The following RASGEF1C variants were observed in gnomAD, a reference collection of about 807,000 sequenced individuals.
RASGEF1C encodes the protein ras-GEF domain-containing family member 1C.
RASGEF1C carries 27 observed loss-of-function variants against 58.1 expected under a neutral mutation model. The observed-to-expected ratio is 0.46, with a 90% confidence interval of 0.34 to 0.64. The LOEUF is 0.64. RASGEF1C is among the 30% of genes least tolerant of loss of function. The pLI, the probability that RASGEF1C is intolerant of heterozygous loss-of-function variation, is 0.01. For synonymous variants in RASGEF1C, 243 were observed against 246.3 expected, an observed-to-expected ratio of 0.99 and a Z score of 0.13; for missense variants, 502 against 605.1, an observed-to-expected ratio of 0.83 and a Z score of 1.79.
intron 4 of RASGEF1C, among the ~76,000 whole-genome samples, chr5:180,129,697 A>C (rs953468176): frequency 6.6e-6 from 1 of 152,168 alleles, no homozygotes; most frequent in Non-Finnish European, 1.5e-5. Context: ...TGGGAGCAGC[A>C]GCCTGTCCAG....
intron 1 of RASGEF1C, among the ~76,000 whole-genome samples, chr5:180,173,014 T>C (rs966899953): frequency 2.0e-5 from 3 of 152,192 alleles, no homozygotes; most frequent in Non-Finnish European, 4.4e-5. Flanking sequence ...GCACAGCCCT[T>C]GGGGCCCTTC....
At chr5:180,192,492 TAC>T (rs1254860863) in intron 1 of RASGEF1C, among the ~76,000 whole-genome samples, 1 of 152,184 alleles carries the variant, frequency 6.6e-6, no homozygotes, top group African/African-American at 2.4e-5. Flanking sequence ...TGGTATTTGA[TAC>T]AGTTATTGGA....
At chr5:180,104,902 TG>T in intron 12 of RASGEF1C, among the ~76,000 whole-genome samples, 1 of 152,332 alleles carries the variant, frequency 6.6e-6, no homozygotes, top group Middle Eastern at 3.4e-3. Context: ...TTTCAATGTC[TG>T]TAGTCGTTAG....
intron 1 of RASGEF1C, among the ~76,000 whole-genome samples, chr5:180,207,702 C>A (rs1468899586): frequency 6.6e-6 from 1 of 152,094 alleles, no homozygotes; most frequent in African/African-American, 2.4e-5. Context: ...GCCCAACCTG[C>A]AAACCGCCTG....
At chr5:180,111,683 G>A in intron 11 of RASGEF1C, 103 bp from the exon 12 acceptor site, 1 of 1,310,374 alleles carries the variant, frequency 7.6e-7, no homozygotes, top group Non-Finnish European at 1.1e-6. Context: ...ACACCCAGTG[G>A]CTTTAGGGCT....
chr5:180,179,692 A>C (rs1374964413), intron 1 of RASGEF1C, among the ~76,000 whole-genome samples: 1 of 152,230 alleles, frequency 6.6e-6, no homozygotes, highest in Non-Finnish European at 1.5e-5. Context: ...TCTCCATTCA[A>C]GGAATACTGA....
chr5:180,186,632 C>T (rs977492206), intron 1 of RASGEF1C, among the ~76,000 whole-genome samples: 1 of 152,190 alleles, frequency 6.6e-6, no homozygotes, highest in Non-Finnish European at 1.5e-5. Flanking sequence ...TCAATGCAAT[C>T]TCTAGCAAAA....
rs554526742 is a variant in RASGEF1C, at chr5:180,116,445, C to A, written c.1084-1904G>T. Among the ~76,000 whole-genome samples the A allele has an allele frequency of 7.2e-5, 11 of 152,288 alleles. No individual in the cohort carries two copies. The East Asian group carries it at 1.4e-3, about 19-fold the overall frequency. ...TCTAAGTATCCCTTTCTCCTTCCTC[C>A]TTCCTTCCCTCCCTCTGCCCCTCCA... On this transcript the variant is annotated intron_variant, in intron 10 of 13. Transcript: ENST00000361132.
At position 180,177,727 on chromosome 5, in the gene RASGEF1C, TA is replaced by T. The variant is rs1767254567; in HGVS notation, c.-7+31300del. On this transcript the variant is annotated intron_variant, in intron 1 of 13. Transcript: ENST00000361132. This position sits in a 1 kb window ranked among gnomAD's most constrained non-coding sequence, Gnocchi z 5.0. ...CCTTTCATCTCCCTGGCCTCTGGGA[TA>T]AATCCATGGGCAGGCATGTCACCTG... 6.6e-6 allele frequency among the ~76,000 whole-genome samples: 1 copy of T among 152,320 alleles called. No homozygotes were observed. Among genetic ancestry groups the T allele is most frequent in the Middle Eastern group, 3.4e-3 (1 of 294 alleles).
At position 180,190,359 on chromosome 5, in the gene RASGEF1C, G is replaced by A. The variant is rs528271953; in HGVS notation, c.-7+18669C>T. ...CAAAAAATTAGCCGGGCGTGGTGGC[G>A]GGCGCCTGTAGTCCCAGCTACTCGG... On this transcript the variant is annotated intron_variant, in intron 1 of 13. Coordinates refer to ENST00000361132, the MANE Select transcript of RASGEF1C (RefSeq NM_175062.4). Among the ~76,000 whole-genome samples the A allele has an allele frequency of 1.7e-3, 262 of 151,586 alleles. 2 individuals carry two copies. Among genetic ancestry groups the A allele is most frequent in the South Asian group, 9.8e-3 (47 of 4,774 alleles).
intron 1 of RASGEF1C, among the ~76,000 whole-genome samples, chr5:180,187,897 TG>T (rs1756070217): frequency 6.6e-6 from 1 of 152,208 alleles, no homozygotes; most frequent in East Asian, 1.9e-4. Context: ...GTGTTGCTGG[TG>T]GGAATGTGAA....
intron 1 of RASGEF1C, among the ~76,000 whole-genome samples, chr5:180,176,199 G>A (rs1365074125): frequency 6.6e-6 from 1 of 152,222 alleles, no homozygotes; most frequent in Non-Finnish European, 1.5e-5. Flanking sequence ...GGGCCCTGGT[G>A]GCCATGCCTC....
chr5:180,160,572 T>C (rs1370800875), intron 1 of RASGEF1C, among the ~76,000 whole-genome samples: 1 of 152,152 alleles, frequency 6.6e-6, no homozygotes, highest in African/African-American at 2.4e-5. Context: ...CCTACCACAC[T>C]GTCAGCTTTG....
rs558376933 is a variant in RASGEF1C, at chr5:180,146,342, G to T, written c.-6-8284C>A. 2.0e-5 allele frequency among the ~76,000 whole-genome samples: 3 copies of T among 152,148 alleles called. No homozygotes were observed. In the East Asian group the frequency reaches 5.8e-4, roughly 29 times the overall value. ...TTTTGTATTTTGGTACTTTTAACAC[G>T]GTTTCACCATGTTGCGCAGGCTGGT... is the stretch of plus-strand genomic sequence containing the variant. On this transcript the variant is annotated intron_variant, in intron 1 of 13. Coordinates refer to ENST00000361132, the MANE Select transcript of RASGEF1C (RefSeq NM_175062.4).
chr5:180,127,202 C>T (rs1486677286), intron 6 of RASGEF1C, among the ~76,000 whole-genome samples: 1 of 152,132 alleles, frequency 6.6e-6, no homozygotes, highest in East Asian at 1.9e-4. Context: ...GCAACCCGCG[C>T]TTCCCCGCGT....
intron 12 of RASGEF1C, 65 bp downstream of exon 12, chr5:180,111,392 G>GTGAC (rs1765957238): frequency 5.0e-6 from 8 of 1,609,264 alleles, no homozygotes; most frequent in Middle Eastern, 1.7e-4. Flanking sequence ...GTCCTGAATG[G>GTGAC]TGACTGAGAG....
intron 12 of RASGEF1C, among the ~76,000 whole-genome samples, chr5:180,104,799 G>A (rs1400284410): frequency 6.6e-6 from 1 of 152,142 alleles, no homozygotes; most frequent in Non-Finnish European, 1.5e-5. Context: ...ATGTCAAGTT[G>A]TGGTAATTTG....
intron 1 of RASGEF1C, among the ~76,000 whole-genome samples, chr5:180,146,518 T>G (rs1766663264): frequency 6.6e-6 from 1 of 152,160 alleles, no homozygotes; most frequent in South Asian, 2.1e-4. Context: ...CTTTTTTTTT[T>G]TGTCATGAAA....
intron 4 of RASGEF1C, chr5:180,135,415 T>C (rs1485008759): frequency 6.6e-6 from 1 of 152,262 alleles, no homozygotes; most frequent in Non-Finnish European, 1.5e-5. Flanking sequence ...CTCTGCGGCA[T>C]GTCACCAGCT....
Sources: allele counts gnomAD v4.1 joint callset (sites outside exome capture counted in the v4.1 genomes callset), GRCh38; gene constraint gnomAD v4.1.1; non-coding constraint Gnocchi (gnomAD v3.1); transcripts MANE v1.5; gene names NCBI Gene and HGNC (gene_info 2026-07-23, HGNC 2026-07-21).